USF3: variants seen among roughly 807,000 people sequenced by gnomAD.
USF3 encodes the protein upstream transcription factor family member 3.
Under a neutral mutation model 157.5 loss-of-function variants are expected in USF3, and 29 were observed. That is an observed-to-expected ratio of 0.18 (90% CI 0.14 to 0.25). The LOEUF (loss-of-function observed/expected upper bound fraction) is 0.25, where lower values mean the gene tolerates loss of function less well. USF3 is among the 10% of genes least tolerant of loss of function. USF3 has a pLI of 1.00. For synonymous variants in USF3, 893 were observed against 941.4 expected, an observed-to-expected ratio of 0.95 and a Z score of 0.94; for missense variants, 2,381 against 2,667.6, an observed-to-expected ratio of 0.89 and a Z score of 2.37.
rs1947481171 is a variant in USF3, at chr3:113,661,282, C to A, written c.400G>T (p.Val134Phe). 1 of 1,613,862 alleles carries A rather than the reference C, an allele frequency of 6.2e-7. No homozygotes were observed. Among genetic ancestry groups the A allele is most frequent in the African/African-American group, 1.3e-5 (1 of 74,878 alleles). Residue 134 changes from valine to phenylalanine, a missense_variant, in exon 7 of 7, where the codon GTC becomes TTC. By Grantham distance (50) the Val-to-Phe change is conservative. Coordinates refer to ENST00000316407, the MANE Select transcript of USF3 (RefSeq NM_001009899.4). Reference sequence around the variant, plus strand: ...TGGTCACTAGGAATAACAACAGAGACCTTTGAGTTTTTAAGATTTCCTTTC... The same window carrying A: ...TGGTCACTAGGAATAACAACAGAGAACTTTGAGTTTTTAAGATTTCCTTTC... Reference protein sequence around the residue: ...HWKGNLKNSKVSVVIPSDQVQ... With the variant: ...HWKGNLKNSKFSVVIPSDQVQ...
Position 113,659,926 on chromosome 3 carries a change from C to A in USF3, c.1756G>T (p.Ala586Ser). The change falls in exon 7 of 7, where the codon GCT (alanine) becomes TCT (serine). Residue 586 changes from alanine (A) to serine (S), a missense_variant. Transcript: ENST00000316407. ...AGGAGTGGCAAAGGATTCTGATTAGCAGCCTGTATGATTACTATCTGTTGA... is the reference window on the plus strand; with the variant it reads ...AGGAGTGGCAAAGGATTCTGATTAGAAGCCTGTATGATTACTATCTGTTGA... ...VGQQIVIIQA[A>S]NQNPLPLLPA... The A allele has an allele frequency of 6.2e-7, 1 of 1,614,178 alleles. No homozygotes were observed. Among genetic ancestry groups the A allele is most frequent in the African/African-American group, 1.3e-5 (1 of 75,046 alleles).
intron 2 of USF3, among the ~76,000 whole-genome samples, chr3:113,675,533 T>C (rs1226006071): frequency 6.6e-6 from 1 of 152,194 alleles, no homozygotes; most frequent in East Asian, 1.9e-4. Context: ...AATATATACA[T>C]ATATGGAAAA....
In USF3 at chr3:113,649,787, CT is replaced by C. The variant is rs1404349236; in HGVS notation, c.*5156del. 1.4e-6 allele frequency: 1 copy of C among 702,258 alleles called. No homozygotes were observed. The highest frequency in any genetic ancestry group is 2.6e-6 in the Non-Finnish European group (1 of 384,746). The allele number at this position is 702,258 out of a possible 1,614,324, so 43.5% of individuals were successfully genotyped here. A position where few individuals can be genotyped will look rare whatever the true frequency, so the allele number is the denominator to read the frequency against. ...TGTGTCCAACAAGGTCCTCACGCTTCTTATCAGCATGGACTGACTCAATCTA... is the reference window on the plus strand; with the variant it reads ...TGTGTCCAACAAGGTCCTCACGCTTCTATCAGCATGGACTGACTCAATCTA... On this transcript the variant is annotated 3_prime_UTR_variant, in exon 7 of 7. Coordinates refer to ENST00000316407, the MANE Select transcript of USF3 (RefSeq NM_001009899.4).
chr3:113,650,204 C>CCTG lies in USF3; in HGVS notation c.*4739_*4740insCAG. 1 of 230,258 alleles carries CCTG rather than the reference C, an allele frequency of 4.3e-6. No homozygotes were observed. Among genetic ancestry groups the CCTG allele is most frequent in the Non-Finnish European group, 8.4e-6 (1 of 119,214 alleles). The allele number at this position is 230,258 out of a possible 1,614,324, so 14.3% of individuals were successfully genotyped here. A position where few individuals can be genotyped will look rare whatever the true frequency, so the allele number is the denominator to read the frequency against. On this transcript the variant is annotated 3_prime_UTR_variant, in exon 7 of 7. Coordinates refer to ENST00000316407, the MANE Select transcript of USF3 (RefSeq NM_001009899.4). Reference sequence around the variant, plus strand: ...GTTTCATTTTGGTATCACCTTTGCCCTTTCATTCTTCACAGGAAAAAACAA... The same window carrying CCTG: ...GTTTCATTTTGGTATCACCTTTGCCCCTGTTTCATTCTTCACAGGAAAAAACAA...
chr3:113,695,290 A>C (rs966697870), intron 1 of USF3, among the ~76,000 whole-genome samples: 7 of 152,244 alleles, frequency 4.6e-5, no homozygotes, highest in African/African-American at 1.7e-4. Context: ...TATCCCAAAC[A>C]GCAACTCTGT....
chr3:113,655,485 G>A lies in USF3; in HGVS notation c.6197C>T (p.Ser2066Phe). ...QHTLSQNFGF[S>F]FIPEGGMNPP... ...ATTCATGCCACCCTCAGGAATAAAA[G>A]AAAAACCAAAATTTTGTGATAGTGT... Residue 2066 changes from serine (S) to phenylalanine (F), a missense_variant, in exon 7 of 7, where the codon TCT becomes TTT. Ser to Phe is a radical substitution (Grantham distance 155). Transcript: ENST00000316407. 6.2e-7 allele frequency: 1 copy of A among 1,614,080 alleles called. No homozygotes were observed. The highest frequency in any genetic ancestry group is 8.5e-7 in the Non-Finnish European group (1 of 1,180,000).
Position 113,654,965 on chromosome 3 carries a change from A to G in USF3, c.6717T>C (p.His2239=). Residue 2239 remains histidine (H), a synonymous_variant, in exon 7 of 7, where the codon CAT becomes CAC. Coordinates refer to ENST00000316407, the MANE Select transcript of USF3 (RefSeq NM_001009899.4). ...GTATTTAAACAGCTGAACTGCAATC[A>G]TGACCTAGAATATGGCTTATGTTAT... ...PAHNISHILG[H]DCSSAV 6.2e-7 allele frequency: 1 copy of G among 1,609,926 alleles called. No individual in the cohort carries two copies.
chr3:113,665,969 G>A (rs1947558957), intron 5 of USF3, among the ~76,000 whole-genome samples: 1 of 152,124 alleles, frequency 6.6e-6, no homozygotes, highest in South Asian at 2.1e-4. Flanking sequence ...CAGATCACCT[G>A]AGGTCAGGAG....
chr3:113,664,310 T>C lies in USF3; in HGVS notation c.256+3A>G, dbSNP rs770071697. The stretch of plus-strand genomic sequence containing the variant: ...CAAAAAGTAAGAACTTTTAAATCTT[T>C]ACCTTGTTCATTGTTTCCTCCATTA... On this transcript the variant is annotated splice_donor_region_variant and intron_variant, in intron 6 of 6. Transcript: ENST00000316407. 1.0e-5 allele frequency: 16 copies of C among 1,551,150 alleles called. 1 individual carries two copies. Among genetic ancestry groups the C allele is most frequent in the Non-Finnish European group, 1.3e-5 (15 of 1,132,128 alleles).
chr3:113,678,299 T>C (rs74319537), intron 1 of USF3, among the ~76,000 whole-genome samples: 2,339 of 152,144 alleles, frequency 0.015, 50 homozygotes, highest in African/African-American at 0.052. Context: ...ATAATTAAGG[T>C]ATATAAAGTA....
Position 113,660,693 on chromosome 3 carries a change from T to C in USF3, c.989A>G (p.Asp330Gly). The change falls in exon 7 of 7, where the codon GAT (aspartate) becomes GGT (glycine). Residue 330 changes from aspartate to glycine, a missense_variant. Transcript: ENST00000316407. The stretch of plus-strand genomic sequence containing the variant: ...TGAAACAACAAAAGTGTTTTGAAAA[T>C]CACCTCTGAAGTCCTGTATGCTCAG... ...SCLSIQDFRGDFQNTFVVSVT... is the reference protein window; with the variant it reads ...SCLSIQDFRGGFQNTFVVSVT... 1.2e-6 allele frequency: 2 copies of C among 1,614,166 alleles called. No homozygotes were observed. Among genetic ancestry groups the C allele is most frequent in the Non-Finnish European group, 1.7e-6 (2 of 1,180,028 alleles).
intron 6 of USF3, among the ~76,000 whole-genome samples, chr3:113,663,503 C>T (rs1438435534): frequency 6.6e-6 from 1 of 152,212 alleles, no homozygotes; most frequent in Admixed American, 6.5e-5. Context: ...AAGGAGAATT[C>T]TGAATGCTGA....
intron 1 of USF3, among the ~76,000 whole-genome samples, chr3:113,689,978 CA>C: frequency 6.6e-6 from 1 of 152,318 alleles, no homozygotes; most frequent in Admixed American, 6.5e-5. Flanking sequence ...TGCTTCTGTG[CA>C]AAAGCTTTTA....
At chr3:113,684,539 AT>A (rs1003146670) in intron 1 of USF3, among the ~76,000 whole-genome samples, 41 of 151,686 alleles carry the variant, frequency 2.7e-4, no homozygotes, top group Admixed American at 1.6e-3. Flanking sequence ...CATGCTTCAT[AT>A]TTTTTTTCTT....
intron 1 of USF3, among the ~76,000 whole-genome samples, chr3:113,688,357 A>AT (rs1390532956): frequency 6.6e-6 from 1 of 152,062 alleles, no homozygotes; most frequent in Non-Finnish European, 1.5e-5. Context: ...TGACCTCGTG[A>AT]TCCCCCCACC....
At chr3:113,670,233 C>T (rs750172019) in intron 4 of USF3, 30 bp from the exon 5 acceptor site, 99 of 1,271,888 alleles carry the variant, frequency 7.8e-5, no homozygotes, top group Non-Finnish European at 1.0e-4. Context: ...TTTATCAAAC[C>T]TTACACTACT....
In USF3 at chr3:113,657,336, C is replaced by T. The variant is rs1438198385; in HGVS notation, c.4346G>A (p.Gly1449Asp). Residue 1449 changes from glycine (G) to aspartate (D), a missense_variant, in exon 7 of 7, where the codon GGT (glycine) becomes GAT (aspartate). By Grantham distance (94) the Gly-to-Asp change is moderately conservative. Coordinates refer to ENST00000316407, the MANE Select transcript of USF3 (RefSeq NM_001009899.4). The stretch of plus-strand genomic sequence containing the variant: ...ATGGTTACTATGAAGGTGAGATACA[C>T]CTTGAGCTGGAACATGCTGCTGCAG... ...QALQQHVPAQ[G>D]VSHLHSNHLY... The T allele has an allele frequency of 2.5e-6, 4 of 1,613,566 alleles. No individual in the cohort carries two copies. The highest frequency in any genetic ancestry group is 1.7e-5 in the Admixed American group (1 of 59,958).
intron 1 of USF3, among the ~76,000 whole-genome samples, chr3:113,690,349 TA>T (rs2107963950): frequency 6.6e-6 from 1 of 152,328 alleles, no homozygotes; most frequent in Non-Finnish European, 1.5e-5. Flanking sequence ...TGATGGATTT[TA>T]TACCCCAATG....
rs534203972 is a variant in USF3 at position 113,688,980 on chromosome 3, G to A, written c.-135+7390C>T. Reference sequence around the variant, plus strand: ...TGGGAGGCGGAGCTTGCAGTGAGCCGAGATCATGCCACTGCACTCAAGCCT... The same window carrying A: ...TGGGAGGCGGAGCTTGCAGTGAGCCAAGATCATGCCACTGCACTCAAGCCT... On this transcript the variant is annotated intron_variant, in intron 1 of 6. Transcript: ENST00000316407. Among the ~76,000 whole-genome samples the A allele has an allele frequency of 3.3e-5, 5 of 152,212 alleles. No individual in the cohort carries two copies. In the East Asian group the frequency reaches 5.8e-4, roughly 18 times the overall value.
Sources: gnomAD v4.1 joint callset for allele counts (sites outside exome capture counted in the v4.1 genomes callset) on GRCh38, gnomAD v4.1.1 for gene constraint, MANE v1.5 for transcripts, NCBI Gene and HGNC (gene_info 2026-07-23, HGNC 2026-07-21) for gene names.